The following GNPTAB variants were observed in gnomAD, a reference collection of about 807,000 sequenced individuals.
GNPTAB encodes N-acetylglucosamine-1-phosphate transferase subunits alpha and beta, also known as N-acetylglucosamine-1-phosphotransferase subunits alpha/beta.
In GNPTAB, 92 loss-of-function variants were observed where a neutral mutation model predicts 136.6. The observed-to-expected ratio is 0.67, with a 90% CI of 0.57 to 0.80. The LOEUF (loss-of-function observed/expected upper bound fraction) is 0.80, where lower values mean the gene tolerates loss of function less well. Ranked by LOEUF, GNPTAB falls within the 30% of genes least tolerant of loss-of-function variation. The pLI is 0.00. For missense variants in GNPTAB, 1,343 were observed against 1,501.8 expected, an observed-to-expected ratio of 0.89 and a Z score of 1.75; for synonymous variants, 512 against 535.1, an observed-to-expected ratio of 0.96 and a Z score of 0.60.
At chr12:101,752,574 T>G (rs1952837085) in intron 19 of GNPTAB, among the ~76,000 whole-genome samples, 1 of 152,232 alleles carries the variant, frequency 6.6e-6, no homozygotes, top group South Asian at 2.1e-4. Context: ...ACTCCACTAT[T>G]TCAGTATGAA....
intron 7 of GNPTAB, among the ~76,000 whole-genome samples, chr12:101,774,466 C>G (rs1953230883): frequency 6.6e-6 from 1 of 152,128 alleles, no homozygotes; most frequent in Non-Finnish European, 1.5e-5. Flanking sequence ...ATAATATGAA[C>G]ATATGTAAGT....
intron 7 of GNPTAB, among the ~76,000 whole-genome samples, chr12:101,772,790 A>C (rs1019202132): frequency 6.6e-6 from 1 of 152,102 alleles, no homozygotes; most frequent in African/African-American, 2.4e-5. Flanking sequence ...AGAAAAAGTC[A>C]CTATTCTAGA....
chr12:101,748,575 G>A (rs1003986336), intron 20 of GNPTAB, among the ~76,000 whole-genome samples: 4 of 152,216 alleles, frequency 2.6e-5, no homozygotes, highest in African/African-American at 9.6e-5. Context: ...CATGCATGCA[G>A]AGGAAAGCCC....
intron 1 of GNPTAB, among the ~76,000 whole-genome samples, chr12:101,825,453 T>C (rs1211305820): frequency 6.6e-6 from 1 of 152,230 alleles, no homozygotes; most frequent in Non-Finnish European, 1.5e-5. Flanking sequence ...GAAATAAATT[T>C]GAAAGGATGT....
At chr12:101,766,464 C>A (rs368904642) in intron 11 of GNPTAB, among the ~76,000 whole-genome samples, 170 bp from the exon 12 acceptor site, 2 of 152,060 alleles carry the variant, frequency 1.3e-5, no homozygotes, top group African/African-American at 4.8e-5. Context: ...ATGGTAAAAC[C>A]CCATCTCTGC....
chr12:101,783,887 GT>G (rs544238396), intron 5 of GNPTAB, among the ~76,000 whole-genome samples: 17 of 141,874 alleles, frequency 1.2e-4, no homozygotes, highest in Admixed American at 2.1e-4. Context: ...ACTAATTTTT[GT>G]TTTTTTTTTT....
chr12:101,794,252 A>G (rs973481118), intron 2 of GNPTAB, among the ~76,000 whole-genome samples: 1 of 152,220 alleles, frequency 6.6e-6, no homozygotes, highest in Non-Finnish European at 1.5e-5. Context: ...TGAGCCTCGG[A>G]TTGACTTAAT....
intron 1 of GNPTAB, among the ~76,000 whole-genome samples, chr12:101,824,944 T>C (rs1482582706): frequency 6.6e-6 from 1 of 152,160 alleles, no homozygotes; most frequent in Non-Finnish European, 1.5e-5. Flanking sequence ...ATGCTAAAAT[T>C]ACTCCCACCA....
chr12:101,806,940 A>C (rs920656646), intron 1 of GNPTAB, among the ~76,000 whole-genome samples: 17 of 152,214 alleles, frequency 1.1e-4, no homozygotes, highest in Non-Finnish European at 2.1e-4. Flanking sequence ...ATGAGGCCAA[A>C]ACTACCCTAA....
chr12:101,812,281 T>C (rs1003651238), intron 1 of GNPTAB, among the ~76,000 whole-genome samples: 3 of 151,946 alleles, frequency 2.0e-5, no homozygotes, highest in Non-Finnish European at 4.4e-5. Flanking sequence ...AACAACCAGA[T>C]CTGAGAACTC....
chr12:101,808,251 T>C (rs1870035419), intron 1 of GNPTAB, among the ~76,000 whole-genome samples: 1 of 151,794 alleles, frequency 6.6e-6, no homozygotes, highest in Admixed American at 6.6e-5. Flanking sequence ...TTTGGGGATA[T>C]AGACAAACTG....
At chr12:101,826,720 T>G (rs2137192983) in intron 1 of GNPTAB, among the ~76,000 whole-genome samples, 1 of 152,158 alleles carries the variant, frequency 6.6e-6, no homozygotes, top group African/African-American at 2.4e-5. Flanking sequence ...ATAATAAATT[T>G]TAACTCAAAA....
At chr12:101,820,763 G>A (rs1870749753) in intron 1 of GNPTAB, among the ~76,000 whole-genome samples, 2 of 152,112 alleles carry the variant, frequency 1.3e-5, no homozygotes, top group Admixed American at 6.5e-5. Flanking sequence ...CATCAAGCAA[G>A]AAAGCATCTC....
chr12:101,822,706 G>C (rs1870873673), intron 1 of GNPTAB, among the ~76,000 whole-genome samples: 1 of 152,172 alleles, frequency 6.6e-6, no homozygotes, highest in African/African-American at 2.4e-5. Context: ...TTATGCTTTA[G>C]GACTGAAGAC....
intron 1 of GNPTAB, among the ~76,000 whole-genome samples, chr12:101,797,708 G>A (rs79641287): frequency 0.013 from 1,903 of 152,220 alleles, 42 homozygotes; most frequent in African/African-American, 0.044. Context: ...TTCAGCTAAC[G>A]ACCTTGTTAA....
At chr12:101,809,825 G>A (rs1870124425) in intron 1 of GNPTAB, among the ~76,000 whole-genome samples, 1 of 152,200 alleles carries the variant, frequency 6.6e-6, no homozygotes, top group African/African-American at 2.4e-5. Flanking sequence ...GTACAATACT[G>A]TAGTGGTAGA....
At chr12:101,751,475 A>G (rs973700535) in intron 19 of GNPTAB, among the ~76,000 whole-genome samples, 3 of 152,198 alleles carry the variant, frequency 2.0e-5, no homozygotes, top group Admixed American at 6.5e-5. Flanking sequence ...AGGCAAGCAA[A>G]GGGTCAAAAA....
At position 101,780,125 on chromosome 12, in the gene GNPTAB, T is replaced by C. The variant is rs777862894; in HGVS notation, c.771+27A>G. 2.8e-5 allele frequency: 45 copies of C among 1,605,366 alleles called. No individual in the cohort carries two copies. The East Asian group carries it at 9.8e-4, about 35-fold the overall frequency. ...CACATTAAATGAGAATGTGCCAGGC[T>C]AATTGCTCTATTTTCTATGTTCTTA... On this transcript the variant is annotated intron_variant, in intron 7 of 20. Coordinates refer to ENST00000299314, the MANE Select transcript of GNPTAB (RefSeq NM_024312.5).
intron 4 of GNPTAB, among the ~76,000 whole-genome samples, chr12:101,787,652 C>A (rs750571694): frequency 6.6e-6 from 1 of 152,086 alleles, no homozygotes; most frequent in Non-Finnish European, 1.5e-5. Flanking sequence ...CGGTGACTCA[C>A]GCCTGTAATC....
Sources: allele counts gnomAD v4.1 joint callset (sites outside exome capture counted in the v4.1 genomes callset), GRCh38; gene constraint gnomAD v4.1.1; transcripts MANE v1.5; gene names NCBI Gene and HGNC (gene_info 2026-07-23, HGNC 2026-07-21).